The following FMN1 variants were observed in gnomAD, a reference collection of about 807,000 sequenced individuals.
FMN1 encodes the protein formin 1, also known as formin-1.
Under a neutral mutation model 132.4 loss-of-function variants are expected in FMN1, and 110 were observed. The ratio of observed to expected loss-of-function variants is 0.83; its 90% CI spans 0.71 to 0.97. The LOEUF is 0.97. FMN1 is among the 50% of genes least tolerant of loss of function. The pLI is 0.00. For synonymous variants in FMN1, 722 were observed against 651.7 expected (o/e 1.11, Z -1.64); for missense variants, 1,792 against 1,705.3 (o/e 1.05, Z -0.90).
intron 3 of FMN1, among the ~76,000 whole-genome samples, chr15:33,172,181 C>T (rs2140322851): frequency 6.6e-6 from 1 of 150,456 alleles, no homozygotes; most frequent in South Asian, 2.1e-4. Flanking sequence ...GCACTCCAGA[C>T]TGGGTGGCAG....
chr15:33,146,414 A>G (rs1225376600), intron 4 of FMN1, among the ~76,000 whole-genome samples: 2 of 152,066 alleles, frequency 1.3e-5, no homozygotes, highest in South Asian at 2.1e-4. Flanking sequence ...GTTCCTCCCT[A>G]TTATCCAACA....
chr15:33,057,359 C>CTA (rs1319469389), intron 6 of FMN1, among the ~76,000 whole-genome samples: 2 of 152,220 alleles, frequency 1.3e-5, no homozygotes, highest in Admixed American at 1.3e-4. Flanking sequence ...TAACTCAGAG[C>CTA]TATATACTCT....
chr15:33,097,313 AAAAAGAG>A (rs1478539025), intron 4 of FMN1, among the ~76,000 whole-genome samples: 1 of 143,038 alleles, frequency 7.0e-6, no homozygotes, highest in Non-Finnish European at 1.5e-5. Context: ...TAAAAAAAAA[AAAAAGAG>A]AGAGAGAGAG....
intron 17 of FMN1, among the ~76,000 whole-genome samples, chr15:32,817,793 T>A (rs2058097697): frequency 2.0e-5 from 3 of 152,234 alleles, no homozygotes; most frequent in Admixed American, 2.0e-4. Context: ...GAATTCCAGG[T>A]GGAATCCTCC....
At chr15:32,986,083 G>T (rs1458781672) in intron 7 of FMN1, among the ~76,000 whole-genome samples, 1 of 152,110 alleles carries the variant, frequency 6.6e-6, no homozygotes, top group African/African-American at 2.4e-5. Context: ...CGATAATAGG[G>T]GTTATAGATT....
intron 3 of FMN1, among the ~76,000 whole-genome samples, chr15:33,174,250 G>C (rs1218096569): frequency 6.6e-6 from 1 of 152,142 alleles, no homozygotes; most frequent in Non-Finnish European, 1.5e-5. Context: ...TGGAAGGTTT[G>C]CTATCATTGA....
rs1271564738 is a variant in FMN1, at chr15:32,857,016, T to C, written c.3927A>G (p.Lys1309=). 6 of 1,609,004 alleles carry C rather than the reference T, an allele frequency of 3.7e-6. No homozygotes were observed. The highest frequency in any genetic ancestry group is 1.1e-5 in the South Asian group (1 of 90,944). The change falls in exon 17 of 21, where the codon AAA becomes AAG. Residue 1309 remains lysine, a splice_region_variant and synonymous_variant. Coordinates refer to ENST00000616417, the MANE Select transcript of FMN1 (RefSeq NM_001277313.2). ...TGTGCGGCTGACAAAGCTTCCTACCTTTTTGGAAGAACTCCTCTAGTTTGT... is the reference window on the plus strand; with the variant it reads ...TGTGCGGCTGACAAAGCTTCCTACCCTTTTGGAAGAACTCCTCTAGTTTGT... ...FKDKLEEFFQ[K]AKKEHKMEES...
At position 33,015,641 on chromosome 15, in the gene FMN1, T is replaced by G. The variant is rs972357586; in HGVS notation, c.2162-7566A>C. ...CCCGCGGATCCTGATATGTCCGGCC[T>G]GTGCCTCTCACTGGCCTTTACCCAC... On this transcript the variant is annotated intron_variant, in intron 6 of 20. Transcript: ENST00000616417. Among the ~76,000 whole-genome samples, 8 of 152,314 alleles carry G rather than the reference T, an allele frequency of 5.3e-5. No individual in the cohort carries two copies. The South Asian group carries it at 1.5e-3, about 28-fold the overall frequency.
At chr15:32,988,813 C>A (rs1318562825) in intron 7 of FMN1, among the ~76,000 whole-genome samples, 1 of 152,112 alleles carries the variant, frequency 6.6e-6, no homozygotes, top group African/African-American at 2.4e-5. Flanking sequence ...GATTCTAAGA[C>A]CAACTCTTTT....
intron 3 of FMN1, among the ~76,000 whole-genome samples, chr15:33,159,836 G>GCACCTAAAA (rs1964818537): frequency 6.6e-6 from 1 of 152,234 alleles, no homozygotes; most frequent in African/African-American, 2.4e-5. Context: ...TTTCTTGTTG[G>GCACCTAAAA]CACCTAAAAC....
intron 9 of FMN1, among the ~76,000 whole-genome samples, chr15:32,963,410 G>T (rs561033464): frequency 2.6e-5 from 4 of 152,012 alleles, no homozygotes; most frequent in African/African-American, 9.7e-5. Context: ...ACGCGTTAGT[G>T]GGTGCAGCGC....
chr15:32,890,467 A>G (rs2060000786), intron 15 of FMN1, among the ~76,000 whole-genome samples: 1 of 152,210 alleles, frequency 6.6e-6, no homozygotes, highest in South Asian at 2.1e-4. Flanking sequence ...CCATTCTTGC[A>G]GGAATAAGGC....
At chr15:32,851,083 A>C (rs2058997966) in intron 17 of FMN1, among the ~76,000 whole-genome samples, 1 of 151,436 alleles carries the variant, frequency 6.6e-6, no homozygotes, top group Admixed American at 6.6e-5. Flanking sequence ...ACAAAACAAA[A>C]CAAAAAAAAC....
At chr15:32,955,419 A>G (rs906108151) in intron 9 of FMN1, among the ~76,000 whole-genome samples, 1 of 152,208 alleles carries the variant, frequency 6.6e-6, no homozygotes, top group African/African-American at 2.4e-5. Flanking sequence ...CGAAGTATAC[A>G]TATATGATCT....
intron 4 of FMN1, among the ~76,000 whole-genome samples, chr15:33,133,271 A>G (rs914119025): frequency 1.3e-5 from 2 of 152,200 alleles, no homozygotes; most frequent in African/African-American, 4.8e-5. Flanking sequence ...GTGCGCTGGG[A>G]GTCAGGGACT....
At chr15:33,009,694 T>C (rs1419446165) in intron 6 of FMN1, among the ~76,000 whole-genome samples, 1 of 152,216 alleles carries the variant, frequency 6.6e-6, no homozygotes, top group Non-Finnish European at 1.5e-5. Context: ...GTACCATTAT[T>C]GTCTCCATTA....
At chr15:33,074,026 C>T (rs543537627) in intron 5 of FMN1, among the ~76,000 whole-genome samples, 38 of 152,284 alleles carry the variant, frequency 2.5e-4, no homozygotes, top group African/African-American at 8.2e-4. Context: ...CCACTGCCTC[C>T]GGCCTGGCTT....
At chr15:33,163,594 GTTT>G (rs2140305418) in intron 3 of FMN1, among the ~76,000 whole-genome samples, 1 of 54,420 alleles carries the variant, frequency 1.8e-5, no homozygotes, top group South Asian at 7.0e-4. Context: ...ATGCCTGGCT[GTTT>G]TGTTTTGTTT....
intron 16 of FMN1, among the ~76,000 whole-genome samples, chr15:32,864,062 A>G (rs1001072318): frequency 1.3e-5 from 2 of 152,232 alleles, no homozygotes; most frequent in Admixed American, 6.5e-5. Context: ...TTTGCTTATT[A>G]AAGCTTGGCA....
Sources: gnomAD v4.1 joint callset for allele counts (sites outside exome capture counted in the v4.1 genomes callset) on GRCh38, gnomAD v4.1.1 for gene constraint, MANE v1.5 for transcripts, NCBI Gene and HGNC (gene_info 2026-07-23, HGNC 2026-07-21) for gene names.